Variants in ADAM10 observed in about 807,000 individuals in gnomAD.
The protein encoded by ADAM10 is ADAM metallopeptidase domain 10, also known as disintegrin and metalloproteinase domain-containing protein 10.
Under a neutral mutation model 90.1 loss-of-function variants are expected in ADAM10, and 17 were observed. The observed-to-expected ratio is 0.19, with a 90% CI of 0.13 to 0.28. The LOEUF is 0.28. Ranked by LOEUF, ADAM10 falls within the 10% of genes least tolerant of loss-of-function variation. The probability of loss-of-function intolerance (pLI) is 1.00; values close to 1 mark genes in which losing one functional copy is unlikely to be tolerated. For missense variants in ADAM10, 610 were observed against 914.3 expected, an observed-to-expected ratio of 0.67 and a Z score of 4.29; for synonymous variants, 310 against 298.6, an observed-to-expected ratio of 1.04 and a Z score of -0.40.
At chr15:58,692,358 G>A (rs769922088) in intron 2 of ADAM10, 4 of 603,642 alleles carry the variant, frequency 6.6e-6, no homozygotes, top group African/African-American at 5.5e-5. Flanking sequence ...GCTTGGTCTG[G>A]TTTAGTTCTT....
At chr15:58,661,710 G>T (rs1054301218) in intron 5 of ADAM10, among the ~76,000 whole-genome samples, 1 of 151,932 alleles carries the variant, frequency 6.6e-6, no homozygotes, top group East Asian at 1.9e-4. Flanking sequence ...CTAAAAATTC[G>T]GAGGCATTAA....
chr15:58,692,136 C>T (rs775918658), intron 2 of ADAM10: 1 of 513,862 alleles, frequency 1.9e-6, no homozygotes, highest in Non-Finnish European at 3.9e-6. Context: ...ATGATCCACA[C>T]ATGATGGACA....
At chr15:58,686,754 CA>C (rs1173147717) in intron 2 of ADAM10, 3 of 571,554 alleles carry the variant, frequency 5.2e-6, no homozygotes, top group Non-Finnish European at 6.2e-6. Flanking sequence ...GTCCTATAGC[CA>C]AAATCACAGA....
chr15:58,712,330 G>T (rs1377878702), intron 2 of ADAM10, among the ~76,000 whole-genome samples: 1 of 151,288 alleles, frequency 6.6e-6, no homozygotes, highest in Non-Finnish European at 1.5e-5. Context: ...AGGGAACCTG[G>T]GCAACATGGC....
At chr15:58,736,894 C>A (rs887950705) in intron 1 of ADAM10, among the ~76,000 whole-genome samples, 6 of 151,870 alleles carry the variant, frequency 4.0e-5, no homozygotes, top group Non-Finnish European at 7.4e-5. Context: ...TTAGGAGGAT[C>A]ACTTTAGCTC....
At chr15:58,704,779 G>A (rs1464624428) in intron 2 of ADAM10, among the ~76,000 whole-genome samples, 1 of 152,302 alleles carries the variant, frequency 6.6e-6, no homozygotes, top group South Asian at 2.1e-4. Context: ...TACCCTCAGA[G>A]TAACAGTACA....
intron 8 of ADAM10, among the ~76,000 whole-genome samples, chr15:58,635,999 G>A (rs539261303): frequency 5.9e-5 from 9 of 152,030 alleles, no homozygotes; most frequent in Admixed American, 1.3e-4. Flanking sequence ...TAAAATGGCC[G>A]GGCGCAGTGG....
At chr15:58,742,368 C>T (rs1307366474) in intron 1 of ADAM10, among the ~76,000 whole-genome samples, 1 of 152,202 alleles carries the variant, frequency 6.6e-6, no homozygotes, top group Admixed American at 6.5e-5. Flanking sequence ...ACAGTTTCTA[C>T]TGCACGTGTA....
rs1895783769 is a variant in ADAM10, at chr15:58,621,414, T to C, written c.1511+57A>G. On this transcript the variant is annotated intron_variant, in intron 11 of 15. Coordinates refer to ENST00000260408, the MANE Select transcript of ADAM10 (RefSeq NM_001110.4). The stretch of plus-strand genomic sequence containing the variant: ...CTTAATCTCAGTTTTAAATTTGTCA[T>C]AACTGCATTGAGGTAACTTTACAAG... 3 of 1,600,878 alleles carry C rather than the reference T, an allele frequency of 1.9e-6. No homozygotes were observed. In the African/African-American group the frequency reaches 4.0e-5, roughly 21 times the overall value.
In ADAM10 at chr15:58,604,731, T is replaced by C. The variant is rs8030697; in HGVS notation, c.2026-5007A>G. On this transcript the variant is annotated intron_variant, in intron 14 of 15. Transcript: ENST00000260408. The stretch of plus-strand genomic sequence containing the variant: ...TTTGGATATATTTAATGATAGTCTT[T>C]TTAGTACCTACACACTCTTTTTTTT... Among the ~76,000 whole-genome samples, 541 of 152,258 alleles carry C rather than the reference T, an allele frequency of 3.6e-3. 6 individuals are homozygous for C. Among genetic ancestry groups the C allele is most frequent in the African/African-American group, 0.013 (521 of 41,558 alleles).
chr15:58,664,238 A>C (rs998659245), intron 5 of ADAM10, among the ~76,000 whole-genome samples: 2 of 152,014 alleles, frequency 1.3e-5, no homozygotes, highest in African/African-American at 4.8e-5. Flanking sequence ...TTGTGTGTAG[A>C]ATATCATCCT....
intron 5 of ADAM10, among the ~76,000 whole-genome samples, chr15:58,657,931 T>A (rs1035250342): frequency 6.6e-6 from 1 of 151,762 alleles, no homozygotes; most frequent in Non-Finnish European, 1.5e-5. Context: ...TTCTTTACTA[T>A]TCTGGAAAAA....
intron 2 of ADAM10, among the ~76,000 whole-genome samples, chr15:58,712,898 G>C (rs1315497907): frequency 6.6e-6 from 1 of 152,066 alleles, no homozygotes; most frequent in East Asian, 1.9e-4. Flanking sequence ...TTACAAGACA[G>C]TCCCTGATAC....
chr15:58,662,324 G>T (rs1321523716), intron 5 of ADAM10, among the ~76,000 whole-genome samples: 2 of 152,110 alleles, frequency 1.3e-5, no homozygotes, highest in African/African-American at 4.8e-5. Flanking sequence ...CCACGGCTTG[G>T]GATATCTAAT....
chr15:58,732,523 C>G (rs1899284590), intron 1 of ADAM10: 1 of 152,100 alleles, frequency 6.6e-6, no homozygotes, highest in Non-Finnish European at 1.5e-5. Flanking sequence ...GCCTGACCAA[C>G]ATGGTGAAAC....
At chr15:58,725,047 G>A (rs1156785797) in intron 1 of ADAM10, among the ~76,000 whole-genome samples, 9 of 151,788 alleles carry the variant, frequency 5.9e-5, no homozygotes, top group African/African-American at 2.2e-4. Context: ...AAACTAGCTG[G>A]GCACAGTGGC....
chr15:58,671,773 A>T (rs1465067908), intron 4 of ADAM10, among the ~76,000 whole-genome samples: 1 of 152,162 alleles, frequency 6.6e-6, no homozygotes, highest in Non-Finnish European at 1.5e-5. Flanking sequence ...AGTAGTAAAT[A>T]TGGCTCACCT....
intron 2 of ADAM10, among the ~76,000 whole-genome samples, chr15:58,700,340 A>T (rs1423297031): frequency 2.6e-5 from 4 of 152,232 alleles, no homozygotes; most frequent in African/African-American, 9.6e-5. Context: ...ATATGTTAGG[A>T]AACAAAACGT....
chr15:58,710,872 A>G (rs1898450944), intron 2 of ADAM10, among the ~76,000 whole-genome samples: 1 of 152,166 alleles, frequency 6.6e-6, no homozygotes, highest in Non-Finnish European at 1.5e-5. Flanking sequence ...TACAGATTTA[A>G]AAGTGCCCTA....
Sources: allele counts gnomAD v4.1 joint callset (sites outside exome capture counted in the v4.1 genomes callset), GRCh38; gene constraint gnomAD v4.1.1; transcripts MANE v1.5; gene names NCBI Gene and HGNC (gene_info 2026-07-23, HGNC 2026-07-21).